The following KYAT3 variants were observed in gnomAD, a reference collection of about 807,000 sequenced individuals.
KYAT3 encodes the protein kynurenine aminotransferase 3.
A neutral mutation model predicts 59.0 loss-of-function variants in KYAT3; 50 were observed. That is an observed-to-expected ratio of 0.85 (90% CI 0.68 to 1.07). The LOEUF (loss-of-function observed/expected upper bound fraction) is 1.07. Ranked by LOEUF, KYAT3 falls within the 50% of genes least tolerant of loss-of-function variation. The pLI, the probability that KYAT3 is intolerant of heterozygous loss-of-function variation, is 0.00. For missense variants in KYAT3, 497 were observed against 533.3 expected (o/e 0.93, Z 0.67); for synonymous variants, 148 against 177.0 (o/e 0.84, Z 1.30).
At chr1:88,955,477 G>C (rs1675875402) in intron 8 of KYAT3, among the ~76,000 whole-genome samples, 1 of 152,080 alleles carries the variant, frequency 6.6e-6, no homozygotes. Context: ...TTAGTTCTGG[G>C]GCAGGAGTGT....
chr1:88,990,911 G>C (rs981476519), intron 1 of KYAT3, among the ~76,000 whole-genome samples: 2 of 151,988 alleles, frequency 1.3e-5, no homozygotes, highest in African/African-American at 4.8e-5. Flanking sequence ...TCGAAAAGTT[G>C]GAGAAAATAA....
chr1:88,936,571 T>A (rs995470400), intron 13 of KYAT3, among the ~76,000 whole-genome samples: 1 of 152,222 alleles, frequency 6.6e-6, no homozygotes, highest in Non-Finnish European at 1.5e-5. Context: ...TTAGTTCTAA[T>A]GGCTACCACC....
At chr1:88,978,988 G>A (rs1676937510) in intron 2 of KYAT3, among the ~76,000 whole-genome samples, 2 of 152,112 alleles carry the variant, frequency 1.3e-5, no homozygotes, top group Admixed American at 6.6e-5. Context: ...CAGAGTACAT[G>A]CTTCAGATTG....
intron 2 of KYAT3, chr1:88,983,081 G>C: frequency 6.2e-7 from 1 of 1,612,238 alleles, no homozygotes. Flanking sequence ...ACGTGAACTG[G>C]AATGACCATA....
chr1:88,988,661 G>C (rs1677611400), intron 1 of KYAT3, among the ~76,000 whole-genome samples: 1 of 152,150 alleles, frequency 6.6e-6, no homozygotes. Context: ...TTCAGAAAGT[G>C]AAAGTTCCAT....
intron 8 of KYAT3, among the ~76,000 whole-genome samples, chr1:88,956,793 C>T (rs1462700374): frequency 2.0e-5 from 3 of 152,206 alleles, no homozygotes; most frequent in African/African-American, 7.2e-5. Context: ...TTTTGCTAGA[C>T]ATTGGTAATA....
chr1:88,985,054 C>G (rs59925130), intron 2 of KYAT3, among the ~76,000 whole-genome samples: 1 of 152,158 alleles, frequency 6.6e-6, no homozygotes, highest in Non-Finnish European at 1.5e-5. Flanking sequence ...ACAATTACTT[C>G]AGAGAAACAA....
At chr1:88,929,724 T>A in the KYAT3 span, among the ~76,000 whole-genome samples, 1 of 152,198 alleles carries the variant, frequency 6.6e-6, no homozygotes, top group Non-Finnish European at 1.5e-5. Context: ...TCACAACAGG[T>A]TAAATACTTA....
intron 2 of KYAT3, among the ~76,000 whole-genome samples, chr1:88,974,882 A>C (rs1022516060): frequency 3.3e-5 from 5 of 152,214 alleles, no homozygotes; most frequent in Middle Eastern, 3.2e-3. Context: ...AAAATGGACC[A>C]ATCGGTGCTC....
At chr1:88,984,699 C>T (rs767371164) in intron 2 of KYAT3, among the ~76,000 whole-genome samples, 2 of 152,154 alleles carry the variant, frequency 1.3e-5, no homozygotes, top group Non-Finnish European at 2.9e-5. Context: ...GAAAACTATG[C>T]ACTGGCCACA....
chr1:88,925,415 C>G, the KYAT3 span, among the ~76,000 whole-genome samples: 1 of 152,202 alleles, frequency 6.6e-6, no homozygotes, highest in Non-Finnish European at 1.5e-5. Flanking sequence ...CTCCTAGGTA[C>G]TAATGGTTCA....
At position 88,955,144 on chromosome 1, in the gene KYAT3, C is replaced by T. The variant is rs770741752; in HGVS notation, c.864+5G>A. On this transcript the variant is annotated splice_donor_5th_base_variant and intron_variant, in intron 9 of 13. Coordinates refer to ENST00000260508, the MANE Select transcript of KYAT3 (RefSeq NM_001008661.3). Reference sequence around the variant, plus strand: ...TTTAAGCAATTAAATTCTTACTCATCTTACCTTCCAGCCAGTTACACTGAA... The same window carrying T: ...TTTAAGCAATTAAATTCTTACTCATTTTACCTTCCAGCCAGTTACACTGAA... 6.3e-7 allele frequency: 1 copy of T among 1,583,334 alleles called. No homozygotes were observed. The highest frequency in any genetic ancestry group is 1.1e-5 in the South Asian group (1 of 90,442).
intron 1 of KYAT3, among the ~76,000 whole-genome samples, chr1:88,991,070 T>C (rs1324115214): frequency 6.6e-6 from 1 of 152,198 alleles, no homozygotes; most frequent in East Asian, 1.9e-4. Flanking sequence ...ATAAAGTCCA[T>C]ATTCCAAAAC....
intron 13 of KYAT3, among the ~76,000 whole-genome samples, chr1:88,937,221 G>T (rs948812084): frequency 6.6e-6 from 1 of 152,106 alleles, no homozygotes; most frequent in African/African-American, 2.4e-5. Context: ...ACCTAGATGG[G>T]GGCACCTCTC....
chr1:88,961,328 A>T (rs1250404450), intron 7 of KYAT3, 41 bp from the exon 8 acceptor site: 1 of 1,613,448 alleles, frequency 6.2e-7, no homozygotes, highest in Non-Finnish European at 8.5e-7. Flanking sequence ...ATTATTCAAC[A>T]TGTGAGAAAA....
Position 88,949,096 on chromosome 1 carries a change from A to G in KYAT3, c.1136T>C (p.Leu379Ser). The stretch of plus-strand genomic sequence containing the variant: ...TAATAAAAGCCTTTACAAACCTAGC[A>G]AAGACACATCAGCGATGATGAAGTA... The part of the protein sequence containing the change: ...GGYFIIADVS[L>S]LDPDLSDMKN... The change falls in exon 11 of 14, where the codon TTG (leucine) becomes TCG (serine). Residue 379 changes from leucine to serine, a missense_variant. Leu to Ser is a moderately radical substitution (Grantham distance 145, BLOSUM62 -2). Around this residue, in one of 2 missense-constraint regions of KYAT3, gnomAD observed 469 missense variants for 479.1 expected, o/e 0.98. Coordinates refer to ENST00000260508, the MANE Select transcript of KYAT3 (RefSeq NM_001008661.3). 6.3e-7 allele frequency: 1 copy of G among 1,575,646 alleles called. No individual in the cohort carries two copies. The highest frequency in any genetic ancestry group is 8.6e-7 in the Non-Finnish European group (1 of 1,167,260).
In KYAT3 at chr1:88,969,462, C is replaced by T. The variant is rs753743800; in HGVS notation, c.105G>A (p.Met35Ile). 3.8e-5 allele frequency: 59 copies of T among 1,564,696 alleles called. No individual in the cohort carries two copies. The highest frequency in any genetic ancestry group is 4.7e-5 in the Non-Finnish European group (53 of 1,137,100). The stretch of plus-strand genomic sequence containing the variant: ...GTTTTGCATTTGTGAATTTCAGTGA[C>T]ATTTTCTGAAATATATAAATATTGA... ...KILGFSTSAK[M>I]SLKFTNAKRI... is the part of the protein sequence containing the mutation. Residue 35 changes from methionine (M) to isoleucine (I), a missense_variant, in exon 3 of 14, where the codon ATG becomes ATA. This residue lies in a region of KYAT3 where 469 missense variants were observed against 479.1 expected (regional missense o/e 0.98). Coordinates refer to ENST00000260508, the MANE Select transcript of KYAT3 (RefSeq NM_001008661.3).
chr1:88,962,560 G>A (rs993360556), intron 5 of KYAT3, among the ~76,000 whole-genome samples: 18 of 152,200 alleles, frequency 1.2e-4, no homozygotes, highest in African/African-American at 4.3e-4. Context: ...ACAGACAGCA[G>A]GCTATGTGGG....
At chr1:88,933,278 T>C (rs1450982711), downstream of KYAT3, among the ~76,000 whole-genome samples, 1 of 152,192 alleles carries the variant, frequency 6.6e-6, no homozygotes, top group Non-Finnish European at 1.5e-5. Context: ...GACAGGAATC[T>C]TTAATTTTTG....
Sources: allele counts gnomAD v4.1 joint callset (sites outside exome capture counted in the v4.1 genomes callset), GRCh38; gene constraint gnomAD v4.1.1; regional missense constraint gnomAD v4.1.1; transcripts MANE v1.5; gene names NCBI Gene and HGNC (gene_info 2026-07-23, HGNC 2026-07-21).